Variants in TMEM51 observed in about 807,000 individuals in gnomAD.
The protein encoded by TMEM51 is transmembrane protein 51.
A neutral mutation model predicts 13.6 loss-of-function variants in TMEM51; 8 were observed. The observed-to-expected ratio is 0.59, with a 90% CI of 0.35 to 1.07. The LOEUF (loss-of-function observed/expected upper bound fraction) is 1.07, where lower values mean the gene tolerates loss of function less well. Among genes scored for constraint, TMEM51 ranks in the 50% least tolerant of loss-of-function variants. The pLI is 0.02. For synonymous variants in TMEM51, 147 were observed against 144.4 expected (o/e 1.02, Z -0.13); for missense variants, 279 against 330.7 (o/e 0.84, Z 1.21).
chr1:15,166,088 T>C (rs1642988329), intron 1 of TMEM51, among the ~76,000 whole-genome samples: 1 of 152,240 alleles, frequency 6.6e-6, no homozygotes, highest in Non-Finnish European at 1.5e-5. Context: ...ATGGGGGGTT[T>C]CGATATTCTT....
At chr1:15,210,441 A>C (rs564154766) in intron 1 of TMEM51, 49 bp from the exon 2 acceptor site, 2 of 152,238 alleles carry the variant, frequency 1.3e-5, no homozygotes, top group African/African-American at 2.4e-5. Flanking sequence ...CTCCAATTGC[A>C]ATGCTCACAG....
At chr1:15,165,203 C>T (rs1453436870) in intron 1 of TMEM51, among the ~76,000 whole-genome samples, 1 of 152,086 alleles carries the variant, frequency 6.6e-6, no homozygotes, top group Non-Finnish European at 1.5e-5. Context: ...GCAATCCCAA[C>T]GTTTTGGGAG....
intron 1 of TMEM51, among the ~76,000 whole-genome samples, chr1:15,163,870 C>T (rs935195472): frequency 2.0e-5 from 3 of 151,148 alleles, no homozygotes; most frequent in Non-Finnish European, 2.9e-5. Context: ...ACTCTGTTAC[C>T]CAGGCTGGAG....
At position 15,218,758 on chromosome 1, in the gene TMEM51, G is replaced by A. The variant is rs190566778; in HGVS notation, c.345-568G>A. Among the ~76,000 whole-genome samples the A allele has an allele frequency of 2.0e-3, 303 of 150,998 alleles. 3 individuals are homozygous for A. The highest frequency in any genetic ancestry group is 7.0e-3 in the African/African-American group (284 of 40,538). ...GACAGTTTACAATTGCCATGACAAC[G>A]ACCTGGCAGTTACCATCCCTTTCCA... On this transcript the variant is annotated intron_variant, in intron 3 of 3. Coordinates refer to ENST00000376008, the MANE Select transcript of TMEM51 (RefSeq NM_001136218.2).
chr1:15,201,742 T>C (rs1557852401), intron 1 of TMEM51, among the ~76,000 whole-genome samples: 1 of 152,122 alleles, frequency 6.6e-6, no homozygotes, highest in African/African-American at 2.4e-5. Context: ...AAAGAGCTCT[T>C]GGCAGCAGGT....
chr1:15,199,829 G>A (rs1175271476), intron 1 of TMEM51, among the ~76,000 whole-genome samples: 1 of 151,930 alleles, frequency 6.6e-6, no homozygotes, highest in African/African-American at 2.4e-5. Context: ...CTGGGCAGAG[G>A]TGGGATTTAG....
intron 1 of TMEM51, among the ~76,000 whole-genome samples, chr1:15,203,756 T>C (rs932984019): frequency 6.7e-6 from 1 of 149,998 alleles, no homozygotes; most frequent in African/African-American, 2.4e-5. Context: ...GGTAAATGAA[T>C]AAACACCTGT....
intron 1 of TMEM51, among the ~76,000 whole-genome samples, chr1:15,198,307 A>C (rs1392832198): frequency 6.6e-6 from 1 of 152,218 alleles, no homozygotes; most frequent in East Asian, 1.9e-4. Context: ...GAGCTGCCTA[A>C]GAGGCTGGGT....
chr1:15,196,412 G>A (rs184736944), intron 1 of TMEM51, among the ~76,000 whole-genome samples: 11 of 152,124 alleles, frequency 7.2e-5, no homozygotes, highest in African/African-American at 1.9e-4. Context: ...GTGTGTGTGC[G>A]TGTGCATGCA....
At chr1:15,166,294 A>T (rs1642995313) in intron 1 of TMEM51, among the ~76,000 whole-genome samples, 1 of 152,186 alleles carries the variant, frequency 6.6e-6, no homozygotes, top group African/African-American at 2.4e-5. Flanking sequence ...CTTTGAAGAC[A>T]TCAGCTGCCA....
At chr1:15,196,742 G>T (rs1485806646) in intron 1 of TMEM51, among the ~76,000 whole-genome samples, 1 of 152,172 alleles carries the variant, frequency 6.6e-6, no homozygotes. Flanking sequence ...TGTTTTCCCA[G>T]TTTCCAATTT....
intron 1 of TMEM51, among the ~76,000 whole-genome samples, chr1:15,201,837 G>A (rs531284969): frequency 2.0e-5 from 3 of 152,178 alleles, no homozygotes; most frequent in African/African-American, 7.2e-5. Flanking sequence ...TTCTCAAACG[G>A]CGTCCTAATC....
intron 1 of TMEM51, among the ~76,000 whole-genome samples, chr1:15,162,940 T>C (rs1489220662): frequency 6.6e-6 from 1 of 152,008 alleles, no homozygotes; most frequent in African/African-American, 2.4e-5. Flanking sequence ...ATGATGGTGA[T>C]GGTTGCACAG....
At chr1:15,191,094 A>G (rs2100271857) in intron 1 of TMEM51, among the ~76,000 whole-genome samples, 1 of 152,250 alleles carries the variant, frequency 6.6e-6, no homozygotes, top group Middle Eastern at 3.4e-3. Flanking sequence ...GCCCCACAAG[A>G]GTTCTTATAA....
At position 15,215,318 on chromosome 1, in the gene TMEM51, G is replaced by A; in HGVS notation, c.231G>A (p.Leu77=). Residue 77 remains leucine, a synonymous_variant, in exon 3 of 4, where the codon CTG becomes CTA. Transcript: ENST00000376008. ...YVLVGAGVML[L]LLSICLSIRD... is the part of the protein sequence containing the mutation. Reference sequence around the variant, plus strand: ...TGGTCGGGGCCGGGGTGATGCTGCTGCTGCTTTCTATCTGCCTGAGTATCA... The same window carrying A: ...TGGTCGGGGCCGGGGTGATGCTGCTACTGCTTTCTATCTGCCTGAGTATCA... 1 of 1,614,124 alleles carries A rather than the reference G, an allele frequency of 6.2e-7. No individual in the cohort carries two copies. Among genetic ancestry groups the A allele is most frequent in the Non-Finnish European group, 8.5e-7 (1 of 1,180,052 alleles).
At chr1:15,202,296 T>C (rs1436312080) in intron 1 of TMEM51, among the ~76,000 whole-genome samples, 2 of 152,146 alleles carry the variant, frequency 1.3e-5, no homozygotes, top group East Asian at 1.9e-4. Context: ...AGCTATTGAG[T>C]AGGTAAACAG....
intron 1 of TMEM51, among the ~76,000 whole-genome samples, chr1:15,160,504 C>T (rs1642740865): frequency 6.6e-6 from 1 of 151,936 alleles, no homozygotes; most frequent in African/African-American, 2.4e-5. Context: ...GAACTCCTGA[C>T]CTCAAGTGAT....
At chr1:15,184,575 T>C (rs747086194) in intron 1 of TMEM51, among the ~76,000 whole-genome samples, 25 of 152,154 alleles carry the variant, frequency 1.6e-4, no homozygotes, top group African/African-American at 2.4e-4. Context: ...CCAGGGCAGC[T>C]GCAGAGAGAC....
intron 1 of TMEM51, among the ~76,000 whole-genome samples, chr1:15,197,395 G>A (rs137894644): frequency 1.1e-3 from 163 of 152,240 alleles, no homozygotes; most frequent in African/African-American, 3.0e-3. Context: ...ACTTCTCTGG[G>A]GCGCTTGAGA....
Sources: gnomAD v4.1 joint callset for allele counts (sites outside exome capture counted in the v4.1 genomes callset) on GRCh38, gnomAD v4.1.1 for gene constraint, MANE v1.5 for transcripts, NCBI Gene and HGNC (gene_info 2026-07-23, HGNC 2026-07-21) for gene names.